The following ANGPTL2 variants were observed in gnomAD, a reference collection of about 807,000 sequenced individuals.
The protein encoded by ANGPTL2 is angiopoietin-related protein 2.
ANGPTL2 carries 25 observed loss-of-function variants against 52.8 expected under a neutral mutation model. The ratio of observed to expected loss-of-function variants is 0.47; its 90% confidence interval spans 0.35 to 0.66. ANGPTL2 has a LOEUF of 0.66. Among genes scored for constraint, ANGPTL2 ranks in the 30% least tolerant of loss-of-function variants. The pLI is 0.01. For synonymous variants in ANGPTL2, 276 were observed against 277.4 expected (o/e 1.00, Z 0.05); for missense variants, 546 against 656.9 (o/e 0.83, Z 1.84).
chr9:127,100,814 T>C (rs1442400699), intron 2 of ANGPTL2, among the ~76,000 whole-genome samples: 1 of 152,240 alleles, frequency 6.6e-6, no homozygotes, highest in Non-Finnish European at 1.5e-5. Context: ...AAGGAAGGGA[T>C]CAGCTTCATT....
rs1282070003 is a variant in ANGPTL2, at chr9:127,088,933, G to A, written c.*6C>T. On this transcript the variant is annotated 3_prime_UTR_variant, in exon 5 of 5. Transcript: ENST00000373425. Reference sequence around the variant, plus strand: ...TGGCCACGAGAGGTCAGGAGGGGGAGCTGGCTTAGTGGAAGGTGTTGGGGT... The same window carrying A: ...TGGCCACGAGAGGTCAGGAGGGGGAACTGGCTTAGTGGAAGGTGTTGGGGT... 1.9e-6 allele frequency: 3 copies of A among 1,614,222 alleles called. No individual in the cohort carries two copies. Among genetic ancestry groups the A allele is most frequent in the South Asian group, 2.2e-5 (2 of 91,084 alleles).
At chr9:127,094,060 A>G (rs2052822821) in intron 2 of ANGPTL2, 134 bp from the exon 3 acceptor site, 9 of 995,122 alleles carry the variant, frequency 9.0e-6, no homozygotes, top group Non-Finnish European at 1.0e-5. Context: ...GAGGTAACCA[A>G]TTTTTGTTTT....
intron 3 of ANGPTL2, 144 bp from the exon 4 acceptor site, chr9:127,092,084 C>T (rs546213206): frequency 2.1e-6 from 2 of 963,498 alleles, no homozygotes; most frequent in East Asian, 2.4e-5. Context: ...CCCTACTCCA[C>T]CTCTTAATCT....
In ANGPTL2 at chr9:127,088,900, C is replaced by A; in HGVS notation, c.*39G>T. 1 of 1,613,270 alleles carries A rather than the reference C, an allele frequency of 6.2e-7. No homozygotes were observed. Among genetic ancestry groups the A allele is most frequent in the South Asian group, 1.1e-5 (1 of 91,006 alleles). ...GTGGCCAGCGTGACCAGGGTGGGCTCCTGGCAATGGCCACGAGAGGTCAGG... is the reference window on the plus strand; with the variant it reads ...GTGGCCAGCGTGACCAGGGTGGGCTACTGGCAATGGCCACGAGAGGTCAGG... On this transcript the variant is annotated 3_prime_UTR_variant, in exon 5 of 5. Coordinates refer to ENST00000373425, the MANE Select transcript of ANGPTL2 (RefSeq NM_012098.3).
At chr9:127,093,055 G>A (rs1053685652) in intron 3 of ANGPTL2, among the ~76,000 whole-genome samples, 1 of 152,080 alleles carries the variant, frequency 6.6e-6, no homozygotes. Flanking sequence ...AGGTTGATAC[G>A]AGATTAAACA....
chr9:127,088,767 C>T lies in ANGPTL2; in HGVS notation c.*172G>A, dbSNP rs370116348. The T allele has an allele frequency of 3.1e-4, 222 of 717,822 alleles. 2 individuals are homozygous for T. The South Asian group carries it at 3.8e-3, about 12-fold the overall frequency. 44.5% of individuals were successfully genotyped at this position (717,822 alleles called of 1,614,324 possible). A position where few individuals can be genotyped will look rare whatever the true frequency, so the allele number is the denominator to read the frequency against. On this transcript the variant is annotated 3_prime_UTR_variant, in exon 5 of 5. Coordinates refer to ENST00000373425, the MANE Select transcript of ANGPTL2 (RefSeq NM_012098.3). ...GGAAAGTAGGAGGGACAGAAAACAC[C>T]GTATCGATTCAGTTCCATCATCCGC...
intron 4 of ANGPTL2, among the ~76,000 whole-genome samples, chr9:127,089,421 C>T (rs571384138): frequency 2.0e-5 from 3 of 152,318 alleles, no homozygotes; most frequent in African/African-American, 7.2e-5. Context: ...GCCTGCCGCA[C>T]AGGGCGGCTC....
chr9:127,121,708 G>A (rs930381594), intron 1 of ANGPTL2, among the ~76,000 whole-genome samples: 11 of 152,230 alleles, frequency 7.2e-5, no homozygotes, highest in Non-Finnish European at 2.9e-5. Flanking sequence ...TTGGAGACCC[G>A]GGGTACCATC....
intron 3 of ANGPTL2, among the ~76,000 whole-genome samples, chr9:127,092,827 T>C (rs1236395349): frequency 6.6e-6 from 1 of 151,868 alleles, no homozygotes; most frequent in Non-Finnish European, 1.5e-5. Context: ...CACAGGCTGT[T>C]CAGGAGGTGG....
intron 2 of ANGPTL2, among the ~76,000 whole-genome samples, chr9:127,102,399 C>T (rs957726008): frequency 6.6e-6 from 1 of 152,062 alleles, no homozygotes; most frequent in African/African-American, 2.4e-5. Flanking sequence ...TACAAGTTCA[C>T]CACAACAATC....
intron 2 of ANGPTL2, among the ~76,000 whole-genome samples, chr9:127,095,136 C>T (rs139172567): frequency 0.011 from 1,686 of 152,326 alleles, 18 homozygotes; most frequent in South Asian, 0.034. Context: ...CGGTGGCTCA[C>T]GCCTGTAATC....
At chr9:127,114,050 C>T (rs2055141150) in intron 1 of ANGPTL2, among the ~76,000 whole-genome samples, 1 of 152,196 alleles carries the variant, frequency 6.6e-6, no homozygotes, top group African/African-American at 2.4e-5. Context: ...AAAAGAATAA[C>T]AACAATAAAT....
chr9:127,104,175 C>G (rs1460667917), intron 2 of ANGPTL2, among the ~76,000 whole-genome samples: 1 of 152,176 alleles, frequency 6.6e-6, no homozygotes, highest in Non-Finnish European at 1.5e-5. Context: ...TATTCTCTTT[C>G]TCAGGAGAGA....
Position 127,093,992 on chromosome 9 carries a change from C to G in ANGPTL2, c.818-66G>C, listed in dbSNP as rs1454977963. ...TCACCAGGCCGCACCCCCAGCTGCA[C>G]CCCAAGCAGGCACAACCTCTGTTGA... On this transcript the variant is annotated intron_variant, in intron 2 of 4. Coordinates refer to ENST00000373425, the MANE Select transcript of ANGPTL2 (RefSeq NM_012098.3). 9 of 1,551,878 alleles carry G rather than the reference C, an allele frequency of 5.8e-6. No individual in the cohort carries two copies. In the South Asian group the frequency reaches 9.3e-5, roughly 16 times the overall value.
chr9:127,091,976 T>C lies in ANGPTL2; in HGVS notation c.1012-36A>G. 4 of 1,598,422 alleles carry C rather than the reference T, an allele frequency of 2.5e-6. No homozygotes were observed. The highest frequency in any genetic ancestry group is 1.1e-5 in the South Asian group (1 of 88,798). ...CCCAGGAGAGTGTTAATGTGGAGCC[T>C]GCAGCACCTGCAGCCAGCAGGCTTG... On this transcript the variant is annotated intron_variant, in intron 3 of 4. Coordinates refer to ENST00000373425, the MANE Select transcript of ANGPTL2 (RefSeq NM_012098.3). This position sits in a 1 kb window ranked among gnomAD's most constrained non-coding sequence, Gnocchi z 4.3.
intron 2 of ANGPTL2, among the ~76,000 whole-genome samples, chr9:127,103,119 T>G (rs1181133843): frequency 6.6e-6 from 1 of 152,270 alleles, no homozygotes; most frequent in African/African-American, 2.4e-5. Flanking sequence ...CCTGGTTGCT[T>G]GCTTGACCTC....
Position 127,091,529 on chromosome 9 carries a change from G to T in ANGPTL2, c.1282+141C>A. ...GGGCAGGAGAAGGGACCCTCAGGGG[G>T]TGGTAACAGGGTCAGGCAGCTTGGC... is the stretch of plus-strand genomic sequence containing the variant. On this transcript the variant is annotated intron_variant, in intron 4 of 4. Coordinates refer to ENST00000373425, the MANE Select transcript of ANGPTL2 (RefSeq NM_012098.3). This position sits in a 1 kb window ranked among gnomAD's most constrained non-coding sequence, Gnocchi z 4.3. The T allele has an allele frequency of 1.5e-5, 17 of 1,147,968 alleles. No individual in the cohort carries two copies. The highest frequency in any genetic ancestry group is 1.8e-5 in the Non-Finnish European group (15 of 811,660). The allele number at this position is 1,147,968 out of a possible 1,614,324, so 71.1% of individuals were successfully genotyped here. A position where few individuals can be genotyped will look rare whatever the true frequency, so the allele number is the denominator to read the frequency against.
chr9:127,093,522 G>A (rs2052736723), intron 3 of ANGPTL2, among the ~76,000 whole-genome samples: 1 of 152,228 alleles, frequency 6.6e-6, no homozygotes, highest in African/African-American at 2.4e-5. Context: ...AGCAGGCAGA[G>A]GAGGCGCTGG....
intron 1 of ANGPTL2, among the ~76,000 whole-genome samples, chr9:127,112,337 C>T (rs1181114575): frequency 6.6e-6 from 1 of 152,218 alleles, no homozygotes; most frequent in African/African-American, 2.4e-5. Flanking sequence ...GGGGAGGAGC[C>T]GCCCCCGACC....
Sources: gnomAD v4.1 joint callset for allele counts (sites outside exome capture counted in the v4.1 genomes callset) on GRCh38, gnomAD v4.1.1 for gene constraint, Gnocchi (gnomAD v3.1) non-coding constraint, MANE v1.5 for transcripts, NCBI Gene and HGNC (gene_info 2026-07-23, HGNC 2026-07-21) for gene names.